KYAT3: variants seen among roughly 807,000 people sequenced by gnomAD.
KYAT3 encodes the protein kynurenine--oxoglutarate transaminase 3.
Under a neutral mutation model 59.0 loss-of-function variants are expected in KYAT3, and 50 were observed. That is an observed-to-expected ratio of 0.85 (90% confidence interval 0.68 to 1.07). The LOEUF (loss-of-function observed/expected upper bound fraction) is 1.07, where lower values mean the gene tolerates loss of function less well. Ranked by LOEUF, KYAT3 falls within the 50% of genes least tolerant of loss-of-function variation. KYAT3 has a pLI of 0.00. For missense variants in KYAT3, 497 were observed against 533.3 expected, an observed-to-expected ratio of 0.93 and a Z score of 0.67; for synonymous variants, 148 against 177.0, an observed-to-expected ratio of 0.84 and a Z score of 1.30.
intron 3 of KYAT3, among the ~76,000 whole-genome samples, 191 bp downstream of exon 3, chr1:88,969,218 G>C (rs1214968384): frequency 6.6e-6 from 1 of 152,118 alleles, no homozygotes; most frequent in Non-Finnish European, 1.5e-5. Flanking sequence ...TCCAGCAAAG[G>C]GCATGGCACA....
chr1:88,960,423 A>AAAT (rs980099402), intron 8 of KYAT3, among the ~76,000 whole-genome samples: 1 of 152,138 alleles, frequency 6.6e-6, no homozygotes, highest in Admixed American at 6.5e-5. Flanking sequence ...TTTAGAAGTA[A>AAAT]AATATATAGA....
At chr1:88,928,788 C>T in the KYAT3 span, among the ~76,000 whole-genome samples, 6 of 152,138 alleles carry the variant, frequency 3.9e-5, no homozygotes, top group Non-Finnish European at 7.3e-5. Context: ...TCTCCTGTCC[C>T]GGACAACTGT....
chr1:88,943,681 A>G (rs1184384534), intron 11 of KYAT3, among the ~76,000 whole-genome samples: 1 of 152,206 alleles, frequency 6.6e-6, no homozygotes, highest in East Asian at 1.9e-4. Flanking sequence ...TGCAGCTTTC[A>G]GCACAGGAAG....
At position 88,961,149 on chromosome 1, in the gene KYAT3, CTG is replaced by C. The variant is rs1244350598; in HGVS notation, c.787+16_787+17del. On this transcript the variant is annotated intron_variant, in intron 8 of 13. Coordinates refer to ENST00000260508, the MANE Select transcript of KYAT3 (RefSeq NM_001008661.3). ...CCCAAACACATTTAGATATGTGACT[CTG>C]TGTTATAGTTGGTACCTATTTTTAA... The C allele has an allele frequency of 6.2e-7, 1 of 1,612,118 alleles. No homozygotes were observed. The highest frequency in any genetic ancestry group is 8.5e-7 in the Non-Finnish European group (1 of 1,179,362).
At chr1:88,934,089 T>TGCTATGATTTAATCATGCTA (rs1193704288), downstream of KYAT3, among the ~76,000 whole-genome samples, 3 of 152,236 alleles carry the variant, frequency 2.0e-5, no homozygotes, top group Non-Finnish European at 4.4e-5. Context: ...TGAAGTTATT[T>TGCTATGATTTAATCATGCTA]GCTATGATTT....
In KYAT3 at chr1:88,990,081, GCTCT is replaced by G. The variant is rs571605566; in HGVS notation, c.-1-1734_-1-1731del. ...TTCTTCCTCAGTCCAAGCAGATTGCGCTCTCTACTTTCCCAAATCTAAAAAATCC... is the reference window on the plus strand; with the variant it reads ...TTCTTCCTCAGTCCAAGCAGATTGCGCTACTTTCCCAAATCTAAAAAATCC... On this transcript the variant is annotated intron_variant, in intron 1 of 13. Coordinates refer to ENST00000260508, the MANE Select transcript of KYAT3 (RefSeq NM_001008661.3). Among the ~76,000 whole-genome samples, 119 of 152,068 alleles carry G rather than the reference GCTCT, an allele frequency of 7.8e-4. 1 individual carries two copies. The East Asian group carries it at 0.015, about 19-fold the overall frequency.
chr1:88,962,224 G>T, intron 5 of KYAT3, 79 bp from the exon 6 acceptor site: 2 of 1,060,924 alleles, frequency 1.9e-6, no homozygotes, highest in Non-Finnish European at 2.9e-6. Context: ...CTATGGGCTA[G>T]GCACTGTACT....
intron 10 of KYAT3, among the ~76,000 whole-genome samples, chr1:88,952,257 C>T (rs936882088): frequency 8.5e-5 from 13 of 152,132 alleles, no homozygotes; most frequent in African/African-American, 2.9e-4. Context: ...ATAATGGATT[C>T]TCCTCAATCA....
intron 10 of KYAT3, among the ~76,000 whole-genome samples, chr1:88,950,273 G>A (rs1675616804): frequency 6.6e-6 from 1 of 152,170 alleles, no homozygotes; most frequent in African/African-American, 2.4e-5. Flanking sequence ...GAGACAGAGA[G>A]GGGCAAGATC....
chr1:88,952,968 A>C, intron 10 of KYAT3, 95 bp downstream of exon 10: 1 of 752,972 alleles, frequency 1.3e-6, no homozygotes, highest in Non-Finnish European at 2.3e-6. Flanking sequence ...CAACAGAAGG[A>C]TAGAAGGAGA....
At chr1:88,967,216 G>T (rs1364761306) in intron 4 of KYAT3, among the ~76,000 whole-genome samples, 1 of 151,512 alleles carries the variant, frequency 6.6e-6, no homozygotes, top group African/African-American at 2.4e-5. Context: ...TTGTATCAGG[G>T]TAATGCTGAA....
intron 2 of KYAT3, among the ~76,000 whole-genome samples, chr1:88,979,019 T>C (rs1398185380): frequency 6.6e-6 from 1 of 152,160 alleles, no homozygotes; most frequent in Non-Finnish European, 1.5e-5. Context: ...AAGAGACAAG[T>C]GCATAAGATG....
intron 4 of KYAT3, 129 bp downstream of exon 4, chr1:88,968,541 G>T (rs1676427660): frequency 1.5e-6 from 1 of 660,098 alleles, no homozygotes; most frequent in Non-Finnish European, 2.4e-6. Flanking sequence ...TTCTGTGGTT[G>T]CTAGGATGGG....
intron 2 of KYAT3, chr1:88,980,516 T>C (rs1274435271): frequency 6.6e-6 from 1 of 152,578 alleles, no homozygotes; most frequent in Non-Finnish European, 1.5e-5. Flanking sequence ...CCAAGTTCTA[T>C]GTTCAACTAC....
chr1:88,946,508 AT>A (rs768069962), intron 11 of KYAT3, among the ~76,000 whole-genome samples: 3 of 152,152 alleles, frequency 2.0e-5, no homozygotes, highest in Non-Finnish European at 4.4e-5. Flanking sequence ...CTATTTATAT[AT>A]TACTGCATAG....
chr1:88,941,978 G>A (rs916277369), intron 13 of KYAT3, among the ~76,000 whole-genome samples: 2 of 151,948 alleles, frequency 1.3e-5, no homozygotes, highest in Non-Finnish European at 2.9e-5. Flanking sequence ...ACCAAATATG[G>A]GAACATTTTG....
chr1:88,939,466 G>A (rs1010212277), intron 13 of KYAT3, among the ~76,000 whole-genome samples: 5 of 152,070 alleles, frequency 3.3e-5, no homozygotes, highest in East Asian at 3.8e-4. Flanking sequence ...TCCTCTTCTG[G>A]CCCCTCTGGA....
intron 2 of KYAT3, among the ~76,000 whole-genome samples, chr1:88,973,772 A>G (rs771371967): frequency 2.0e-5 from 3 of 152,226 alleles, no homozygotes; most frequent in African/African-American, 7.2e-5. Flanking sequence ...TCTTTAAAAA[A>G]GTTTGGACAG....
At chr1:88,922,674 T>C in the KYAT3 span, among the ~76,000 whole-genome samples, 2 of 152,184 alleles carry the variant, frequency 1.3e-5, no homozygotes, top group East Asian at 3.9e-4. Context: ...AAAATTGTTT[T>C]CCATAAAACC....
Sources: gnomAD v4.1 joint callset for allele counts (sites outside exome capture counted in the v4.1 genomes callset) on GRCh38, gnomAD v4.1.1 for gene constraint, MANE v1.5 for transcripts, NCBI Gene and HGNC (gene_info 2026-07-23, HGNC 2026-07-21) for gene names.